Variants in GABRA4 observed in about 807,000 individuals in gnomAD.
GABRA4 encodes gamma-aminobutyric acid type A receptor subunit alpha4.
In GABRA4, 12 loss-of-function variants were observed where a neutral mutation model predicts 49.7. The ratio of observed to expected loss-of-function variants is 0.24; its 90% CI spans 0.15 to 0.39. GABRA4 has a LOEUF of 0.39. Among genes scored for constraint, GABRA4 ranks in the 10% least tolerant of loss-of-function variants. GABRA4 has a pLI of 1.00. For synonymous variants in GABRA4, 288 were observed against 240.2 expected, an observed-to-expected ratio of 1.20 and a Z score of -1.84; for missense variants, 506 against 686.0, an observed-to-expected ratio of 0.74 and a Z score of 2.93.
intron 8 of GABRA4, among the ~76,000 whole-genome samples, chr4:46,929,673 A>C (rs1721359636): frequency 1.3e-5 from 2 of 152,110 alleles, no homozygotes; most frequent in African/African-American, 4.8e-5. Context: ...AATTTCTCAG[A>C]TGTTCCCTGA....
At position 46,971,228 on chromosome 4, in the gene GABRA4, A is replaced by G; in HGVS notation, c.729T>C (p.Tyr243=). 2 of 1,609,060 alleles carry G rather than the reference A, an allele frequency of 1.2e-6. No homozygotes were observed. Among genetic ancestry groups the G allele is most frequent in the Non-Finnish European group, 1.7e-6 (2 of 1,176,720 alleles). ...SETIKSITGE[Y]IVMTVYFHLR... is the part of the protein sequence containing the mutation. Reference sequence around the variant, plus strand: ...GGTGGAAGTAAACCGTCATAACAATATATTCACCTGCCAAGAAAACAGGAG... The same window carrying G: ...GGTGGAAGTAAACCGTCATAACAATGTATTCACCTGCCAAGAAAACAGGAG... Residue 243 remains tyrosine, a synonymous_variant, in exon 7 of 9, where the codon TAT becomes TAC. Transcript: ENST00000264318.
chr4:46,946,953 G>A (rs945897666), intron 8 of GABRA4, among the ~76,000 whole-genome samples: 8 of 152,010 alleles, frequency 5.3e-5, no homozygotes, highest in African/African-American at 9.7e-5. Flanking sequence ...TGCCGTGGAA[G>A]CCTGCTGGTC....
intron 8 of GABRA4, among the ~76,000 whole-genome samples, chr4:46,935,213 C>A (rs903985986): frequency 6.6e-6 from 1 of 152,164 alleles, no homozygotes; most frequent in Non-Finnish European, 1.5e-5. Context: ...TGTGGGCTCC[C>A]AAATAAGACA....
At chr4:46,992,756 C>T in intron 2 of GABRA4, 72 bp downstream of exon 2, 1 of 1,082,660 alleles carries the variant, frequency 9.2e-7, no homozygotes, top group Non-Finnish European at 1.4e-6. Context: ...ATGATATTCC[C>T]ACAGACAGAC....
chr4:46,992,676 T>A (rs758337542), intron 2 of GABRA4, 152 bp downstream of exon 2: 65 of 653,600 alleles, frequency 9.9e-5, no homozygotes, highest in Admixed American at 1.2e-4. Flanking sequence ...GGTCTTCTTG[T>A]CATAGGTCTC....
At chr4:46,971,268 G>A (rs772633076) in intron 6 of GABRA4, 33 bp from the exon 7 acceptor site, 8 of 1,598,630 alleles carry the variant, frequency 5.0e-6, no homozygotes, top group Middle Eastern at 1.7e-4. Flanking sequence ...ATGTGTTATC[G>A]GTTCTGCAGG....
chr4:46,959,773 A>AG (rs897170745), intron 8 of GABRA4, among the ~76,000 whole-genome samples: 2 of 147,818 alleles, frequency 1.4e-5, no homozygotes, highest in Non-Finnish European at 3.0e-5. Flanking sequence ...AAAAAAAAAA[A>AG]AAAGAAAAGA....
chr4:46,975,555 A>T (rs756673578), intron 5 of GABRA4, among the ~76,000 whole-genome samples: 2 of 151,860 alleles, frequency 1.3e-5, no homozygotes, highest in Admixed American at 6.6e-5. Flanking sequence ...CTCTTTCCAG[A>T]TTAATTAAAA....
intron 8 of GABRA4, among the ~76,000 whole-genome samples, chr4:46,949,964 C>G (rs969106548): frequency 2.0e-5 from 3 of 151,938 alleles, no homozygotes; most frequent in African/African-American, 7.2e-5. Flanking sequence ...AGATCAGGTC[C>G]CCATTGACCA....
At chr4:46,950,063 C>T (rs552637084) in intron 8 of GABRA4, among the ~76,000 whole-genome samples, 2 of 152,192 alleles carry the variant, frequency 1.3e-5, no homozygotes, top group Non-Finnish European at 2.9e-5. Context: ...CGTTGGCAAA[C>T]ATTAGGCAGA....
chr4:46,992,335 C>T (rs371317465), intron 2 of GABRA4, among the ~76,000 whole-genome samples: 2 of 152,292 alleles, frequency 1.3e-5, no homozygotes, highest in East Asian at 1.9e-4. Flanking sequence ...AAGGAAAGGA[C>T]TGGGTTCTCT....
intron 8 of GABRA4, among the ~76,000 whole-genome samples, chr4:46,939,803 C>G (rs1006162869): frequency 7.9e-5 from 12 of 151,874 alleles, no homozygotes; most frequent in African/African-American, 2.4e-4. Flanking sequence ...ATTAGAAAAT[C>G]CTTTCTTCCC....
Position 46,925,582 on chromosome 4 carries a change from GA to G in GABRA4, c.*2642del, listed in dbSNP as rs1024269826. On this transcript the variant is annotated 3_prime_UTR_variant, in exon 9 of 9. Coordinates refer to ENST00000264318, the MANE Select transcript of GABRA4 (RefSeq NM_000809.4). ...CATTCTTCTGAGATTTTCTAAGAGG[GA>G]AAAGTGACTGGCTCTTTGCAAAAGT... 2.6e-5 allele frequency: 4 copies of G among 151,584 alleles called. No individual in the cohort carries two copies. Among genetic ancestry groups the G allele is most frequent in the Non-Finnish European group, 5.9e-5 (4 of 67,758 alleles). The allele number at this position is 151,584 out of a possible 1,614,324, so 9.4% of individuals were successfully genotyped here. A position where few individuals can be genotyped will look rare whatever the true frequency, so the allele number is the denominator to read the frequency against.
intron 6 of GABRA4, among the ~76,000 whole-genome samples, chr4:46,972,161 A>G (rs1722970543): frequency 6.6e-6 from 1 of 151,584 alleles, no homozygotes; most frequent in African/African-American, 2.4e-5. Flanking sequence ...GGTGCCCTTT[A>G]GAAAGCTACT....
Position 46,968,458 on chromosome 4 carries a change from C to T in GABRA4, c.874+2625G>A, listed in dbSNP as rs540883910. On this transcript the variant is annotated intron_variant, in intron 7 of 8. Transcript: ENST00000264318. The stretch of plus-strand genomic sequence containing the variant: ...TTCTGGAACTCTCCACAAGCCCCCA[C>T]ATCCCCACACCTCCTGTGAAGACAG... Among the ~76,000 whole-genome samples, 6 of 151,632 alleles carry T rather than the reference C, an allele frequency of 4.0e-5. No individual in the cohort carries two copies. In the South Asian group the frequency reaches 1.2e-3, roughly 31 times the overall value.
chr4:46,983,480 C>A (rs564144427), intron 2 of GABRA4, among the ~76,000 whole-genome samples: 1 of 152,082 alleles, frequency 6.6e-6, no homozygotes, highest in African/African-American at 2.4e-5. Context: ...TAATATCATC[C>A]CAGTAGTGAT....
In GABRA4 at chr4:46,977,402, A is replaced by C. The variant is rs1393959061; in HGVS notation, c.494+8T>G. 1 of 1,431,666 alleles carries C rather than the reference A, an allele frequency of 7.0e-7. No individual in the cohort carries two copies. The highest frequency in any genetic ancestry group is 9.6e-7 in the Non-Finnish European group (1 of 1,038,590). 88.7% of individuals were successfully genotyped at this position (1,431,666 alleles called of 1,614,324 possible). ...AAAAGGAAGGGAAGAAGTAAAAAAA[A>C]ATATTACCTCATTGTGTATAAAATA... On this transcript the variant is annotated splice_region_variant and intron_variant, in intron 4 of 8. Transcript: ENST00000264318.
At chr4:46,980,030 A>G (rs551094698) in intron 2 of GABRA4, among the ~76,000 whole-genome samples, 10 of 151,856 alleles carry the variant, frequency 6.6e-5, no homozygotes, top group Non-Finnish European at 1.2e-4. Flanking sequence ...TTGGAGTTCA[A>G]ATTTGGTTCT....
intron 8 of GABRA4, among the ~76,000 whole-genome samples, chr4:46,962,114 T>C (rs1278791560): frequency 3.3e-5 from 5 of 151,890 alleles, no homozygotes; most frequent in Non-Finnish European, 5.9e-5. Context: ...AACTTCTTGC[T>C]TATTGGTTTT....
Sources: allele counts gnomAD v4.1 joint callset (sites outside exome capture counted in the v4.1 genomes callset), GRCh38; gene constraint gnomAD v4.1.1; transcripts MANE v1.5; gene names NCBI Gene and HGNC (gene_info 2026-07-23, HGNC 2026-07-21).